SMARCC2: variants seen among roughly 807,000 people sequenced by gnomAD.
The protein encoded by SMARCC2 is SWI/SNF complex subunit SMARCC2.
Under a neutral mutation model 151.3 loss-of-function variants are expected in SMARCC2, and 15 were observed. The observed-to-expected ratio is 0.10, with a 90% CI of 0.07 to 0.15. The LOEUF (loss-of-function observed/expected upper bound fraction) is 0.15, where lower values mean the gene tolerates loss of function less well. Ranked by LOEUF, SMARCC2 falls within the 10% of genes least tolerant of loss-of-function variation. The pLI is 1.00. For missense variants in SMARCC2, 1,031 were observed against 1,599.7 expected (o/e 0.64, Z 6.06); for synonymous variants, 590 against 609.5 (o/e 0.97, Z 0.47).
At chr12:56,178,769 G>C (rs1461551513) in intron 13 of SMARCC2, 41 bp downstream of exon 13, 4 of 1,593,506 alleles carry the variant, frequency 2.5e-6, no homozygotes, top group East Asian at 2.2e-5. Context: ...TCACAAATCA[G>C]AATCACATAG....
chr12:56,185,374 G>T, intron 3 of SMARCC2: 1 of 397,500 alleles, frequency 2.5e-6, no homozygotes. Context: ...GTAGAGACGA[G>T]GTTTCACCAT....
chr12:56,171,922 T>G lies in SMARCC2; in HGVS notation c.1942A>C (p.Lys648Gln). Residue 648 changes from lysine to glutamine, a missense_variant, in exon 21 of 29, where the codon AAA becomes CAA. By Grantham distance (53) the Lys-to-Gln change is moderately conservative. This residue lies in a region of SMARCC2 where 51 missense variants were observed against 137.9 expected (regional missense o/e 0.37). Transcript: ENST00000550164. The surrounding 1 kb of genome is among the most constrained non-coding windows in gnomAD (Gnocchi z 4.2). The stretch of plus-strand genomic sequence containing the variant: ...TCGGACACTTTGTTCCAGTCATCTT[T>G]GTACATTTCCAGTGCCTGGTGGTAG... ...LLLLEALEMY[K>Q]DDWNKVSEHV... The G allele has an allele frequency of 6.2e-7, 1 of 1,607,944 alleles. No individual in the cohort carries two copies. The highest frequency in any genetic ancestry group is 8.5e-7 in the Non-Finnish European group (1 of 1,176,488).
intron 5 of SMARCC2, 187 bp downstream of exon 5, chr12:56,184,657 A>T (rs1876881051): frequency 1.7e-6 from 1 of 591,902 alleles, no homozygotes; most frequent in Non-Finnish European, 3.0e-6. Flanking sequence ...CAAACCTGTC[A>T]GGACTGAAAA....
chr12:56,164,706 T>C lies in SMARCC2; in HGVS notation c.3258A>G (p.Gln1086=), dbSNP rs777280832. 3.7e-6 allele frequency: 6 copies of C among 1,610,736 alleles called. No individual in the cohort carries two copies. Among genetic ancestry groups the C allele is most frequent in the Non-Finnish European group, 4.2e-6 (5 of 1,178,544 alleles). ...CCCCTGGCATCATTGAGGGAGGAGT[T>C]TGTTGGTTGGGGAACGGTGAGGGGC... ...PHGPSPFPNQ[Q]TPPSMMPGAV... is the part of the protein sequence containing the mutation. Residue 1086 remains glutamine, a synonymous_variant, in exon 28 of 29, where the codon CAA becomes CAG. Coordinates refer to ENST00000550164, the MANE Select transcript of SMARCC2 (RefSeq NM_001330288.2).
chr12:56,168,583 A>T (rs1873300538), intron 25 of SMARCC2, among the ~76,000 whole-genome samples: 1 of 151,920 alleles, frequency 6.6e-6, no homozygotes, highest in Non-Finnish European at 1.5e-5. Context: ...CATGTTGGCC[A>T]GGCTGGTCTC....
At chr12:56,188,027 T>C (rs929349048) in intron 1 of SMARCC2, among the ~76,000 whole-genome samples, 1 of 152,222 alleles carries the variant, frequency 6.6e-6, no homozygotes, top group Non-Finnish European at 1.5e-5. Context: ...CAGGAGACTT[T>C]CTTTTTACTT....
intron 5 of SMARCC2, 84 bp downstream of exon 5, chr12:56,184,760 T>C: frequency 1.2e-6 from 1 of 808,396 alleles, no homozygotes; most frequent in Non-Finnish European, 2.1e-6. Context: ...GAAAACATGG[T>C]AATTCAGGGC....
At chr12:56,172,764 CAG>C (rs922484113) in intron 18 of SMARCC2, 60 bp from the exon 19 acceptor site, 7 of 1,606,872 alleles carry the variant, frequency 4.4e-6, no homozygotes, top group South Asian at 1.1e-5. Flanking sequence ...CAGGGGCTGA[CAG>C]AGAGAAAAAA....
chr12:56,188,477 A>G (rs1215443186), intron 1 of SMARCC2, among the ~76,000 whole-genome samples: 3 of 152,214 alleles, frequency 2.0e-5, no homozygotes, highest in African/African-American at 4.8e-5. Context: ...TGAGAAAAAG[A>G]GAGGCAGACC....
intron 16 of SMARCC2, 74 bp from the exon 17 acceptor site, chr12:56,173,923 G>A (rs953870331): frequency 4.2e-6 from 6 of 1,420,402 alleles, no homozygotes; most frequent in Non-Finnish European, 5.8e-6. Flanking sequence ...AAAGTGGGGG[G>A]TAGAAGGGGC....
intron 1 of SMARCC2, 59 bp downstream of exon 1, chr12:56,189,292 G>A: frequency 8.9e-7 from 1 of 1,122,458 alleles, no homozygotes; most frequent in Non-Finnish European, 1.2e-6. Context: ...CGGGGCTGCA[G>A]GGCCGCGGTC....
intron 1 of SMARCC2, 111 bp from the exon 2 acceptor site, chr12:56,187,417 G>A: frequency 9.9e-7 from 1 of 1,007,408 alleles, no homozygotes; most frequent in Non-Finnish European, 1.5e-6. Flanking sequence ...AGAAAATAGT[G>A]CCCTTCTCCC....
At chr12:56,182,986 A>C (rs1592319574) in intron 7 of SMARCC2, among the ~76,000 whole-genome samples, 1 of 149,306 alleles carries the variant, frequency 6.7e-6, no homozygotes, top group Non-Finnish European at 1.5e-5. Context: ...GGTGCATGCC[A>C]CCATGCCCAG....
chr12:56,169,903 T>C lies in SMARCC2; in HGVS notation c.2421A>G (p.Arg807=), dbSNP rs750399849. 6.2e-7 allele frequency: 1 copy of C among 1,613,652 alleles called. No homozygotes were observed. The highest frequency in any genetic ancestry group is 8.5e-7 in the Non-Finnish European group (1 of 1,179,932). ...TDEKKEPKEP[R]EGGGAIEEEA... is the part of the protein sequence containing the mutation. ...CCTCCTCTATAGCACCCCCTCCTTCTCGGGGTTCCTGAAATTCCAGTGATA... is the reference window on the plus strand; with the variant it reads ...CCTCCTCTATAGCACCCCCTCCTTCCCGGGGTTCCTGAAATTCCAGTGATA... The change falls in exon 24 of 29, where the codon CGA becomes CGG. Residue 807 remains arginine (R), a synonymous_variant. Transcript: ENST00000550164.
In SMARCC2 at chr12:56,163,562, G is replaced by A. The variant is rs921471998; in HGVS notation, c.*127C>T. The A allele has an allele frequency of 3.0e-5, 15 of 501,426 alleles. No individual in the cohort carries two copies. In the Admixed American group the frequency reaches 3.0e-4, roughly 10 times the overall value. The allele number at this position is 501,426 out of a possible 1,614,324, so 31.1% of individuals were successfully genotyped here. On this transcript the variant is annotated 3_prime_UTR_variant, in exon 29 of 29. Transcript: ENST00000550164. ...GGCATGGTGAGGGCTTTGGAGGGGCGGAAGGAGCTTTCCTTACGTAGTGAT... is the reference window on the plus strand; with the variant it reads ...GGCATGGTGAGGGCTTTGGAGGGGCAGAAGGAGCTTTCCTTACGTAGTGAT...
intron 3 of SMARCC2, chr12:56,185,482 CTTTT>C: frequency 5.7e-6 from 1 of 174,800 alleles, no homozygotes; most frequent in Non-Finnish European, 1.1e-5. Flanking sequence ...CACACCCGGC[CTTTT>C]TTTTTTTCTT....
At position 56,185,039 on chromosome 12, in the gene SMARCC2, G is replaced by A. The variant is rs748215566; in HGVS notation, c.390C>T (p.Ser130=). 11 of 1,613,312 alleles carry A rather than the reference G, an allele frequency of 6.8e-6. No homozygotes were observed. Among genetic ancestry groups the A allele is most frequent in the Non-Finnish European group, 9.3e-6 (11 of 1,179,380 alleles). ...NVEMFMTIEK[S]LVQNNCLSRP... is the part of the protein sequence containing the mutation. ...GGTATATGCCTATTACCTGCACCAA[G>A]GACTTCTCAATGGTCATAAACATTT... The change falls in exon 4 of 29, where the codon TCC becomes TCT. Residue 130 remains serine, a synonymous_variant. Coordinates refer to ENST00000550164, the MANE Select transcript of SMARCC2 (RefSeq NM_001330288.2).
chr12:56,178,713 G>C, intron 13 of SMARCC2, 97 bp downstream of exon 13: 1 of 1,467,418 alleles, frequency 6.8e-7, no homozygotes, highest in South Asian at 1.1e-5. Flanking sequence ...GTCTACAGTG[G>C]GTAAAGTCTG....
chr12:56,178,239 T>A, intron 14 of SMARCC2, 146 bp from the exon 15 acceptor site: 1 of 943,512 alleles, frequency 1.1e-6, no homozygotes, highest in South Asian at 1.6e-5. Context: ...CCACAGGCTG[T>A]AAGACTCAAA....
Sources: allele counts gnomAD v4.1 joint callset (sites outside exome capture counted in the v4.1 genomes callset), GRCh38; gene constraint gnomAD v4.1.1; regional missense constraint gnomAD v4.1.1; non-coding constraint Gnocchi (gnomAD v3.1); transcripts MANE v1.5; gene names NCBI Gene and HGNC (gene_info 2026-07-23, HGNC 2026-07-21).